The following MRTFA variants were observed in gnomAD, a reference collection of about 807,000 sequenced individuals.
The protein encoded by MRTFA is myocardin related transcription factor A.
A neutral mutation model predicts 83.5 loss-of-function variants in MRTFA; 20 were observed. The ratio of observed to expected loss-of-function variants is 0.24; its 90% CI spans 0.17 to 0.35. MRTFA has a LOEUF of 0.35. Ranked by LOEUF, MRTFA falls within the 10% of genes least tolerant of loss-of-function variation. MRTFA has a pLI of 1.00. For missense variants in MRTFA, 1,200 were observed against 1,224.7 expected, an observed-to-expected ratio of 0.98 and a Z score of 0.30; for synonymous variants, 659 against 541.2, an observed-to-expected ratio of 1.22 and a Z score of -3.02.
intron 3 of MRTFA, among the ~76,000 whole-genome samples, chr22:40,485,058 G>A (rs995737901): frequency 3.4e-5 from 5 of 147,988 alleles, no homozygotes; most frequent in Admixed American, 1.3e-4. Context: ...GCAACATAGT[G>A]AGACTCCGTC....
intron 3 of MRTFA, among the ~76,000 whole-genome samples, chr22:40,532,734 A>G (rs1271686729): frequency 6.6e-6 from 1 of 152,228 alleles, no homozygotes; most frequent in Non-Finnish European, 1.5e-5. Context: ...CAATTCTGCC[A>G]GAGACAGTAT....
At chr22:40,518,451 T>A (rs1230379026) in intron 3 of MRTFA, among the ~76,000 whole-genome samples, 4 of 150,796 alleles carry the variant, frequency 2.7e-5, no homozygotes, top group Non-Finnish European at 5.9e-5. Flanking sequence ...AACCTACACA[T>A]CTGATGTCAT....
At chr22:40,547,853 CAAAAA>C (rs1056609474) in intron 3 of MRTFA, among the ~76,000 whole-genome samples, 1 of 51,268 alleles carries the variant, frequency 2.0e-5, no homozygotes. Context: ...GACTGTCTCC[CAAAAA>C]AAAAAAAAAA....
chr22:40,559,799 C>G (rs2055587060), intron 2 of MRTFA, among the ~76,000 whole-genome samples: 1 of 152,174 alleles, frequency 6.6e-6, no homozygotes, highest in African/African-American at 2.4e-5. Flanking sequence ...ATATCAAATT[C>G]TACAGACCTG....
At chr22:40,436,677 C>T (rs1005721878) in intron 4 of MRTFA, among the ~76,000 whole-genome samples, 1 of 152,086 alleles carries the variant, frequency 6.6e-6, no homozygotes, top group Non-Finnish European at 1.5e-5. Flanking sequence ...ACTTAAGACA[C>T]TCTGAGGATG....
rs550410360 is a variant in MRTFA at position 40,614,878 on chromosome 22, T to C, written c.-83-20143A>G. On this transcript the variant is annotated intron_variant, in intron 1 of 14. Coordinates refer to ENST00000355630, the MANE Select transcript of MRTFA (RefSeq NM_020831.6). ...TCATATTATTAAATTTTTAAAGTTT[T>C]TTAAAACATATTCTGGATATATATA... is the stretch of plus-strand genomic sequence containing the variant. Among the ~76,000 whole-genome samples, 12 of 152,346 alleles carry C rather than the reference T, an allele frequency of 7.9e-5. No homozygotes were observed. The East Asian group carries it at 2.3e-3, about 29-fold the overall frequency.
At chr22:40,586,924 G>GTGCTGCTGCTGC (rs971204262) in intron 2 of MRTFA, 1 of 363,320 alleles carries the variant, frequency 2.8e-6, no homozygotes, top group African/African-American at 2.3e-5. Flanking sequence ...GCTGGTGCTG[G>GTGCTGCTGCTGC]TGCTGCTGCT....
At chr22:40,511,974 A>C (rs868366341) in intron 3 of MRTFA, among the ~76,000 whole-genome samples, 1 of 152,222 alleles carries the variant, frequency 6.6e-6, no homozygotes, top group Non-Finnish European at 1.5e-5. Flanking sequence ...AGGTGAACCA[A>C]GATTATGTGA....
At chr22:40,533,449 G>T in intron 3 of MRTFA, 1 of 427,110 alleles carries the variant, frequency 2.3e-6, no homozygotes, top group Non-Finnish European at 3.9e-6. Flanking sequence ...ATAAAAAACT[G>T]AAAATGCAGT....
intron 3 of MRTFA, among the ~76,000 whole-genome samples, chr22:40,495,250 G>A (rs545119019): frequency 8.6e-5 from 13 of 151,658 alleles, no homozygotes; most frequent in South Asian, 2.1e-4. Flanking sequence ...AAAGTACACC[G>A]TCTCGAGATC....
intron 3 of MRTFA, among the ~76,000 whole-genome samples, chr22:40,496,478 C>G (rs1336670355): frequency 6.7e-6 from 1 of 148,918 alleles, no homozygotes; most frequent in African/African-American, 2.5e-5. Context: ...CATTAAATAA[C>G]TACTGTCTTT....
chr22:40,609,033 C>G (rs2056352608), intron 1 of MRTFA, among the ~76,000 whole-genome samples: 1 of 152,132 alleles, frequency 6.6e-6, no homozygotes, highest in South Asian at 2.1e-4. Context: ...TGGCTCATGC[C>G]TATAAACCCA....
intron 1 of MRTFA, among the ~76,000 whole-genome samples, chr22:40,632,214 T>G (rs2056649068): frequency 6.6e-6 from 1 of 152,072 alleles, no homozygotes; most frequent in African/African-American, 2.4e-5. Flanking sequence ...GCAATATGAG[T>G]AGCCACCTTG....
At chr22:40,609,289 T>C (rs1408597173) in intron 1 of MRTFA, among the ~76,000 whole-genome samples, 2 of 125,278 alleles carry the variant, frequency 1.6e-5, no homozygotes. Flanking sequence ...AGACTCCTTC[T>C]CAAAAAAAAA....
chr22:40,461,204 CAAAAAAAAAAAAA>C lies in MRTFA; in HGVS notation c.307+2004_307+2016del, dbSNP rs55733153. The stretch of plus-strand genomic sequence containing the variant: ...TGGATGACAGAGCAAGAACTTGTCT[CAAAAAAAAAAAAA>C]AAAAAAAAAAAAAAGTTAAAAGAAA... On this transcript the variant is annotated intron_variant, in intron 4 of 14. Coordinates refer to ENST00000355630, the MANE Select transcript of MRTFA (RefSeq NM_020831.6). Among the ~76,000 whole-genome samples, 147 of 50,298 alleles carry C rather than the reference CAAAAAAAAAAAAA, an allele frequency of 2.9e-3. 2 individuals are homozygous for C. The Middle Eastern group carries it at 0.083, about 29-fold the overall frequency. The allele number at this position is 50,298 out of a possible 152,430, so 33.0% of individuals were successfully genotyped here.
At chr22:40,431,248 T>G (rs2053063670) in intron 6 of MRTFA, among the ~76,000 whole-genome samples, 157 bp downstream of exon 6, 1 of 152,072 alleles carries the variant, frequency 6.6e-6, no homozygotes, top group Non-Finnish European at 1.5e-5. Flanking sequence ...CAGTGGCAGC[T>G]ACCATGGCAC....
intron 4 of MRTFA, among the ~76,000 whole-genome samples, chr22:40,449,826 G>C (rs891827105): frequency 6.6e-6 from 1 of 152,168 alleles, no homozygotes; most frequent in Non-Finnish European, 1.5e-5. Context: ...AGAGAATCTG[G>C]GCTTTTTGCC....
chr22:40,585,079 T>C (rs562581749), intron 2 of MRTFA, among the ~76,000 whole-genome samples: 12 of 152,086 alleles, frequency 7.9e-5, no homozygotes, highest in African/African-American at 2.9e-4. Flanking sequence ...TCTCTCCTCA[T>C]ATTCACTTAC....
chr22:40,468,077 A>G (rs1000635809), intron 3 of MRTFA, among the ~76,000 whole-genome samples: 1 of 152,214 alleles, frequency 6.6e-6, no homozygotes, highest in African/African-American at 2.4e-5. Flanking sequence ...ATCAATTGCT[A>G]TTTGAATAAC....
Sources: allele counts gnomAD v4.1 joint callset (sites outside exome capture counted in the v4.1 genomes callset), GRCh38; gene constraint gnomAD v4.1.1; transcripts MANE v1.5; gene names NCBI Gene and HGNC (gene_info 2026-07-23, HGNC 2026-07-21).